Variants in NELL2 observed in about 807,000 individuals in gnomAD.
NELL2 encodes the protein protein kinase C-binding protein NELL2.
A neutral mutation model predicts 109.6 loss-of-function variants in NELL2; 41 were observed. The observed-to-expected ratio is 0.37, with a 90% confidence interval of 0.29 to 0.49. NELL2 has a LOEUF of 0.49. Among genes scored for constraint, NELL2 ranks in the 20% least tolerant of loss-of-function variants. The probability of loss-of-function intolerance (pLI) is 0.98; values close to 1 mark genes in which losing one functional copy is unlikely to be tolerated. For synonymous variants in NELL2, 355 were observed against 344.7 expected, an observed-to-expected ratio of 1.03 and a Z score of -0.33; for missense variants, 900 against 1,008.3, an observed-to-expected ratio of 0.89 and a Z score of 1.45.
At chr12:44,783,544 A>C (rs1942044475) in intron 3 of NELL2, among the ~76,000 whole-genome samples, 1 of 152,004 alleles carries the variant, frequency 6.6e-6, no homozygotes, top group Admixed American at 6.6e-5. Flanking sequence ...AGATATTGAA[A>C]GGTTAATATG....
chr12:44,779,987 T>A lies in NELL2; in HGVS notation c.371A>T (p.Glu124Val), dbSNP rs762372028. The change falls in exon 4 of 20, where the codon GAA becomes GTA. Residue 124 changes from glutamate (E) to valine (V), a missense_variant. Physicochemically the swap from Glu to Val is moderately radical, Grantham distance 121. Around this residue, in one of 4 missense-constraint regions of NELL2, gnomAD observed 200 missense variants for 191.8 expected, o/e 1.04. Coordinates refer to ENST00000429094, the MANE Select transcript of NELL2 (RefSeq NM_001145108.2). ...GCCTGAGCGGTAATGCAGTCTGACT[T>A]CATTCCGATGGCCACTACTTTCCAG... ...LELESSGHRN[E>V]VRLHYRSGSH... The A allele has an allele frequency of 6.8e-6, 11 of 1,613,700 alleles. No homozygotes were observed. The highest frequency in any genetic ancestry group is 8.5e-6 in the Non-Finnish European group (10 of 1,179,766).
chr12:44,672,924 C>T (rs772018223), intron 12 of NELL2, among the ~76,000 whole-genome samples: 6 of 152,078 alleles, frequency 3.9e-5, no homozygotes, highest in Non-Finnish European at 5.9e-5. Flanking sequence ...GAAAACTCCA[C>T]GTAGGATCAT....
intron 12 of NELL2, among the ~76,000 whole-genome samples, chr12:44,699,547 CT>C (rs1949163927): frequency 6.6e-6 from 1 of 152,036 alleles, no homozygotes; most frequent in African/African-American, 2.4e-5. Context: ...GTCCCTTAAG[CT>C]ACTTCCTTTT....
chr12:44,704,834 C>T (rs907296873), intron 11 of NELL2, among the ~76,000 whole-genome samples: 2 of 151,800 alleles, frequency 1.3e-5, no homozygotes, highest in Non-Finnish European at 2.9e-5. Context: ...GCCTGGCCAA[C>T]ATGGTGAAAC....
At chr12:44,863,030 G>A (rs1201995048) in intron 2 of NELL2, among the ~76,000 whole-genome samples, 1 of 152,152 alleles carries the variant, frequency 6.6e-6, no homozygotes, top group Non-Finnish European at 1.5e-5. Context: ...TGCCATGGTG[G>A]TTTGCTGCAC....
rs1246581259 is a variant in NELL2 at position 44,607,190 on chromosome 12, T to C, written c.1642A>G (p.Thr548Ala). The C allele has an allele frequency of 6.2e-7, 1 of 1,612,428 alleles. No homozygotes were observed. Among genetic ancestry groups the C allele is most frequent in the African/African-American group, 1.3e-5 (1 of 74,796 alleles). ...ANVCACPQGF[T>A]GPSCETDIDE... ...TTACCCGTTTCACAGCTGGGTCCAG[T>C]GAAGCCTTGTGGGCAGGCACACACA... The change falls in exon 15 of 20, where the codon ACT (threonine) becomes GCT (alanine). Residue 548 changes from threonine to alanine, a missense_variant. Transcript: ENST00000429094.
At chr12:44,684,342 A>G (rs908006755) in intron 12 of NELL2, among the ~76,000 whole-genome samples, 113 of 152,076 alleles carry the variant, frequency 7.4e-4, no homozygotes, top group African/African-American at 2.6e-3. Context: ...TGGTCTATCA[A>G]TTTTGTTGAT....
intron 2 of NELL2, among the ~76,000 whole-genome samples, chr12:44,848,832 G>A (rs1019401632): frequency 1.5e-4 from 23 of 152,118 alleles, no homozygotes; most frequent in African/African-American, 5.3e-4. Flanking sequence ...TAAGGCAAGG[G>A]TCACAAGCCA....
chr12:44,536,221 C>T (rs538114743), intron 15 of NELL2, among the ~76,000 whole-genome samples: 1 of 152,024 alleles, frequency 6.6e-6, no homozygotes, highest in Non-Finnish European at 1.5e-5. Context: ...TATGCATATC[C>T]TTATTCACTC....
At chr12:44,839,930 G>A (rs999985693) in intron 2 of NELL2, among the ~76,000 whole-genome samples, 1 of 152,102 alleles carries the variant, frequency 6.6e-6, no homozygotes, top group Non-Finnish European at 1.5e-5. Flanking sequence ...CTCAGGTCAG[G>A]TTTTCATTCT....
chr12:44,530,476 A>G lies in NELL2; in HGVS notation c.1804+2105T>C, dbSNP rs1941996884. ...TGGCCCTTGCAGTAGGTAGCTTCTG[A>G]GATGGCCCCAGTGATCCTCACCACT... On this transcript the variant is annotated intron_variant, in intron 16 of 19. Coordinates refer to ENST00000429094, the MANE Select transcript of NELL2 (RefSeq NM_001145108.2). Among the ~76,000 whole-genome samples the G allele has an allele frequency of 2.0e-5, 3 of 152,208 alleles. No homozygotes were observed. In the South Asian group the frequency reaches 6.2e-4, roughly 31 times the overall value.
chr12:44,874,259 C>A (rs993650583), intron 2 of NELL2, among the ~76,000 whole-genome samples: 4 of 152,148 alleles, frequency 2.6e-5, no homozygotes, highest in African/African-American at 9.7e-5. Context: ...ACAACAACAA[C>A]AACAAAAATC....
chr12:44,864,183 T>C (rs933551990), intron 2 of NELL2, among the ~76,000 whole-genome samples: 1 of 152,078 alleles, frequency 6.6e-6, no homozygotes, highest in Non-Finnish European at 1.5e-5. Flanking sequence ...CATAAAACAA[T>C]TAACATAATA....
intron 19 of NELL2, among the ~76,000 whole-genome samples, chr12:44,514,048 T>G (rs767682259): frequency 3.4e-5 from 5 of 147,526 alleles, no homozygotes; most frequent in Non-Finnish European, 7.5e-5. Context: ...AAAAAAGAAA[T>G]ACTGCATACA....
At position 44,555,755 on chromosome 12, in the gene NELL2, G is replaced by C. The variant is rs568500562; in HGVS notation, c.1664-23034C>G. ...CTGCTGTGTGATTTGACATGACTGA[G>C]TTTCTGAAAAGGCCATCTAAGCAGG... On this transcript the variant is annotated intron_variant, in intron 15 of 19. Transcript: ENST00000429094. Among the ~76,000 whole-genome samples the C allele has an allele frequency of 7.9e-5, 12 of 152,326 alleles. No individual in the cohort carries two copies. The East Asian group carries it at 1.9e-3, about 25-fold the overall frequency.
intron 15 of NELL2, among the ~76,000 whole-genome samples, chr12:44,541,272 AAAAAAG>A (rs1458358574): frequency 4.0e-5 from 6 of 150,998 alleles, no homozygotes; most frequent in African/African-American, 1.5e-4. Flanking sequence ...AAAAAGAAAA[AAAAAAG>A]AAATAGAGAT....
intron 15 of NELL2, among the ~76,000 whole-genome samples, chr12:44,540,357 A>G (rs911474204): frequency 2.6e-5 from 4 of 152,188 alleles, no homozygotes; most frequent in African/African-American, 9.6e-5. Flanking sequence ...TGGTAGAGAT[A>G]GAACAAAAGG....
chr12:44,741,684 G>A (rs994519164), intron 9 of NELL2, among the ~76,000 whole-genome samples: 17 of 152,222 alleles, frequency 1.1e-4, no homozygotes, highest in East Asian at 1.9e-4. Context: ...AGGGTCCTAC[G>A]CCCACAGAGT....
rs1945303664 is a variant in NELL2, at chr12:44,875,848, T to C, written c.22A>G (p.Arg8Gly). 1 of 1,613,986 alleles carries C rather than the reference T, an allele frequency of 6.2e-7. No individual in the cohort carries two copies. The change falls in exon 1 of 20, where the codon AGA becomes GGA. Residue 8 changes from arginine (R) to glycine (G), a missense_variant. Physicochemically the swap from Arg to Gly is moderately radical, Grantham distance 125. This residue lies in a region of NELL2 where 200 missense variants were observed against 191.8 expected (regional missense o/e 1.04). Coordinates refer to ENST00000429094, the MANE Select transcript of NELL2 (RefSeq NM_001145108.2). MESRVLLRTFCLIFGLGA... is the reference protein window; with the variant it reads MESRVLLGTFCLIFGLGA... ...AGACCGAAGATCAAACAGAATGTTCTCAGTAAGACCCGAGACTCCATGGTG... is the reference window on the plus strand; with the variant it reads ...AGACCGAAGATCAAACAGAATGTTCCCAGTAAGACCCGAGACTCCATGGTG...
Sources: gnomAD v4.1 joint callset for allele counts (sites outside exome capture counted in the v4.1 genomes callset) on GRCh38, gnomAD v4.1.1 for gene constraint, gnomAD v4.1.1 regional missense constraint, MANE v1.5 for transcripts, NCBI Gene and HGNC (gene_info 2026-07-23, HGNC 2026-07-21) for gene names.